ANKS1B: variants seen among roughly 807,000 people sequenced by gnomAD.
ANKS1B encodes ankyrin repeat and sterile alpha motif domain containing 1B, also known as ankyrin repeat and sterile alpha motif domain-containing protein 1B.
Under a neutral mutation model 148.3 loss-of-function variants are expected in ANKS1B, and 36 were observed. The ratio of observed to expected loss-of-function variants is 0.24; its 90% CI spans 0.19 to 0.32. The LOEUF (loss-of-function observed/expected upper bound fraction) is 0.32. ANKS1B is among the 10% of genes least tolerant of loss of function. The pLI, the probability that ANKS1B is intolerant of heterozygous loss-of-function variation, is 1.00. For synonymous variants in ANKS1B, 542 were observed against 560.8 expected (o/e 0.97, Z 0.47); for missense variants, 1,157 against 1,542.6 (o/e 0.75, Z 4.19).
chr12:99,858,100 C>T (rs1177835596), intron 1 of ANKS1B, among the ~76,000 whole-genome samples: 3 of 152,168 alleles, frequency 2.0e-5, no homozygotes, highest in Non-Finnish European at 1.5e-5. Context: ...AAAGTGACAA[C>T]CCACAGAGTG....
At chr12:98,983,211 G>A (rs1035247214) in intron 17 of ANKS1B, among the ~76,000 whole-genome samples, 6 of 152,254 alleles carry the variant, frequency 3.9e-5, no homozygotes, top group South Asian at 4.2e-4. Flanking sequence ...ATCTAGAGGC[G>A]CTGTGGAAAA....
chr12:99,370,992 C>T (rs2093099221), intron 12 of ANKS1B, among the ~76,000 whole-genome samples: 1 of 151,952 alleles, frequency 6.6e-6, no homozygotes. Context: ...TATAGAGTTT[C>T]TGGGTTTTTT....
intron 1 of ANKS1B, among the ~76,000 whole-genome samples, chr12:99,902,111 G>A (rs2093621306): frequency 6.6e-6 from 1 of 152,182 alleles, no homozygotes; most frequent in Non-Finnish European, 1.5e-5. Flanking sequence ...TAAATAATGG[G>A]AGAAGATAGT....
At chr12:99,250,690 T>C (rs1470184056) in intron 12 of ANKS1B, among the ~76,000 whole-genome samples, 3 of 109,058 alleles carry the variant, frequency 2.8e-5, no homozygotes, top group Admixed American at 8.0e-5. Context: ...GGGTTTGATA[T>C]ATGAAAATAT....
intron 19 of ANKS1B, among the ~76,000 whole-genome samples, chr12:98,813,494 G>A (rs887815084): frequency 1.3e-5 from 2 of 150,986 alleles, no homozygotes; most frequent in African/African-American, 4.9e-5. Context: ...TAGGATTACA[G>A]TTGTGAGCCA....
intron 17 of ANKS1B, among the ~76,000 whole-genome samples, chr12:99,018,357 C>T (rs1178105634): frequency 1.3e-5 from 2 of 152,204 alleles, no homozygotes; most frequent in African/African-American, 2.4e-5. Context: ...ACGGAAACTA[C>T]TGTTGGTGCC....
chr12:98,753,449 CAG>C lies in ANKS1B; in HGVS notation c.3580-1929_3580-1928del, dbSNP rs2153407687. Among the ~76,000 whole-genome samples, 2 of 151,678 alleles carry C rather than the reference CAG, an allele frequency of 1.3e-5. 1 individual carries two copies. The highest frequency in any genetic ancestry group is 3.9e-4 in the East Asian group (2 of 5,148). On this transcript the variant is annotated intron_variant, in intron 25 of 26. Coordinates refer to ENST00000683438, the MANE Select transcript of ANKS1B (RefSeq NM_001352186.2). ...TTTCTTTTTTCTTTTTTTTTTGAGA[CAG>C]AGTTTTGCTCTTTTTGCCCAGGCTG...
intron 12 of ANKS1B, among the ~76,000 whole-genome samples, chr12:99,328,629 T>C (rs901752205): frequency 9.2e-5 from 14 of 151,568 alleles, no homozygotes; most frequent in Admixed American, 3.3e-4. Context: ...GTCAATTTCA[T>C]CCCAAAAAAG....
intron 12 of ANKS1B, among the ~76,000 whole-genome samples, chr12:99,302,553 A>G (rs1035798928): frequency 6.6e-6 from 1 of 152,112 alleles, no homozygotes. Flanking sequence ...CAAGAAACGA[A>G]TGGGGGATTC....
chr12:99,318,367 T>C (rs1383500719), intron 12 of ANKS1B, among the ~76,000 whole-genome samples: 1 of 152,224 alleles, frequency 6.6e-6, no homozygotes, highest in African/African-American at 2.4e-5. Context: ...TATTCAGGGA[T>C]TCAACTTCTT....
At chr12:99,187,051 C>A (rs1405221615) in intron 14 of ANKS1B, among the ~76,000 whole-genome samples, 3 of 151,510 alleles carry the variant, frequency 2.0e-5, no homozygotes, top group African/African-American at 7.3e-5. Flanking sequence ...ACACAAGTAT[C>A]AATAGCCAAA....
At chr12:99,410,654 GCAAGACT>G (rs1185411292) in intron 11 of ANKS1B, among the ~76,000 whole-genome samples, 1 of 152,108 alleles carries the variant, frequency 6.6e-6, no homozygotes. Flanking sequence ...GGGCAACAGG[GCAAGACT>G]CCATCTCAAA....
intron 10 of ANKS1B, among the ~76,000 whole-genome samples, chr12:99,458,507 C>T (rs1312166343): frequency 6.7e-6 from 1 of 149,244 alleles, no homozygotes; most frequent in African/African-American, 2.5e-5. Context: ...AATTGATAGA[C>T]CATTAGCGAG....
intron 1 of ANKS1B, among the ~76,000 whole-genome samples, chr12:99,928,083 A>T (rs2094517154): frequency 6.6e-6 from 1 of 152,002 alleles, no homozygotes; most frequent in East Asian, 1.9e-4. Flanking sequence ...TTAATTATGA[A>T]GTAGTTATTC....
At chr12:99,004,854 C>T (rs11833067) in intron 17 of ANKS1B, among the ~76,000 whole-genome samples, 3,026 of 152,084 alleles carry the variant, frequency 0.02, 107 homozygotes, top group African/African-American at 0.069. Flanking sequence ...ATTGCCATCT[C>T]ATCCTTAAAA....
intron 9 of ANKS1B, among the ~76,000 whole-genome samples, chr12:99,632,802 C>A (rs1438251787): frequency 2.3e-5 from 3 of 129,238 alleles, no homozygotes; most frequent in Non-Finnish European, 4.8e-5. Flanking sequence ...GGTACATGTG[C>A]ACAATGTGCA....
At chr12:99,114,104 C>A (rs899146868) in intron 15 of ANKS1B, among the ~76,000 whole-genome samples, 1 of 152,108 alleles carries the variant, frequency 6.6e-6, no homozygotes, top group African/African-American at 2.4e-5. Flanking sequence ...TTTGTGATAA[C>A]CTCAGAGTAG....
intron 1 of ANKS1B, among the ~76,000 whole-genome samples, chr12:99,826,971 TAGTC>T (rs1215005313): frequency 4.0e-5 from 6 of 151,686 alleles, no homozygotes; most frequent in Non-Finnish European, 7.4e-5. Context: ...TAAAAAAAAT[TAGTC>T]AGGTGCGGTG....
At chr12:99,808,138 T>C (rs533628222) in intron 3 of ANKS1B, among the ~76,000 whole-genome samples, 2 of 152,252 alleles carry the variant, frequency 1.3e-5, no homozygotes, top group African/African-American at 4.8e-5. Flanking sequence ...GCAGAATTTC[T>C]AGAGGTTTTG....
Sources: gnomAD v4.1 joint callset for allele counts (sites outside exome capture counted in the v4.1 genomes callset) on GRCh38, gnomAD v4.1.1 for gene constraint, MANE v1.5 for transcripts, NCBI Gene and HGNC (gene_info 2026-07-23, HGNC 2026-07-21) for gene names.